AARS1: variants seen among roughly 807,000 people sequenced by gnomAD.
AARS1 encodes alanine--tRNA ligase, cytoplasmic.
AARS1 carries 72 observed loss-of-function variants against 108.9 expected under a neutral mutation model. The observed-to-expected ratio is 0.66, with a 90% CI of 0.55 to 0.80. AARS1 has a LOEUF of 0.80. AARS1 is among the 30% of genes least tolerant of loss of function. The pLI, the probability that AARS1 is intolerant of heterozygous loss-of-function variation, is 0.00. For synonymous variants in AARS1, 489 were observed against 465.7 expected (o/e 1.05, Z -0.64); for missense variants, 1,193 against 1,233.2 (o/e 0.97, Z 0.49).
chr16:70,261,073 C>A lies in AARS1; in HGVS notation c.1756G>T (p.Gly586Trp). 2 of 1,613,730 alleles carry A rather than the reference C, an allele frequency of 1.2e-6. No individual in the cohort carries two copies. Among genetic ancestry groups the A allele is most frequent in the South Asian group, 2.2e-5 (2 of 91,072 alleles). Reference protein sequence around the residue: ...IGTIYGDLKVGDQVWLFIDEP... With the variant: ...IGTIYGDLKVWDQVWLFIDEP... ...TCAATAAACAGCCAGACCTGATCCC[C>A]CACTTTCAGGTCACCGTAGATGGTT... Residue 586 changes from glycine (G) to tryptophan (W), a missense_variant, in exon 13 of 21, where the codon GGG (glycine) becomes TGG (tryptophan). Gly to Trp is a radical substitution (Grantham distance 184). Coordinates refer to ENST00000261772, the MANE Select transcript of AARS1 (RefSeq NM_001605.3).
intron 12 of AARS1, 92 bp downstream of exon 12, chr16:70,262,254 G>A: frequency 5.4e-6 from 8 of 1,493,488 alleles, no homozygotes; most frequent in Non-Finnish European, 7.5e-6. Context: ...TGTCAGGTCT[G>A]CTCCCAAGGC....
At chr16:70,264,827 G>C in intron 11 of AARS1, 131 bp downstream of exon 11, 1 of 1,116,930 alleles carries the variant, frequency 9.0e-7, no homozygotes, top group Non-Finnish European at 1.3e-6. Context: ...AAAGTGCATA[G>C]CGTGACTGTA....
At position 70,259,002 on chromosome 16, in the gene AARS1, T is replaced by C. The variant is rs1194030736; in HGVS notation, c.1970A>G (p.Asn657Ser). The change falls in exon 14 of 21, where the codon AAT (asparagine) becomes AGT (serine). Residue 657 changes from asparagine (N) to serine (S), a missense_variant. By Grantham distance (46) the Asn-to-Ser change is conservative (BLOSUM62 1). Transcript: ENST00000261772. Reference sequence around the variant, plus strand: ...TACCTTGGCTGCCTCAATCATCTCATTAGCAATCTCTTCAGCCTTCTTGAT... The same window carrying C: ...TACCTTGGCTGCCTCAATCATCTCACTAGCAATCTCTTCAGCCTTCTTGAT... ...QQIKKAEEIA[N>S]EMIEAAKAVY... 3 of 1,614,192 alleles carry C rather than the reference T, an allele frequency of 1.9e-6. No homozygotes were observed. Among genetic ancestry groups the C allele is most frequent in the South Asian group, 2.2e-5 (2 of 91,084 alleles).
At chr16:70,265,914 C>T (rs921616935) in intron 9 of AARS1, among the ~76,000 whole-genome samples, 5 of 152,188 alleles carry the variant, frequency 3.3e-5, no homozygotes, top group African/African-American at 1.2e-4. Flanking sequence ...CACCGTGGCT[C>T]GCGCCTGTAA....
intron 12 of AARS1, chr16:70,261,394 G>C (rs774466742): frequency 1.1e-3 from 423 of 372,568 alleles, no homozygotes; most frequent in Non-Finnish European, 1.8e-3. Context: ...CCAGGAGTTC[G>C]AGACCAGCTT....
chr16:70,255,766 G>A lies in AARS1; in HGVS notation c.2248C>T (p.Arg750Trp), dbSNP rs751300562. The change falls in exon 16 of 21, where the codon CGG (arginine) becomes TGG (tryptophan). Residue 750 changes from arginine to tryptophan, a missense_variant. Transcript: ENST00000261772. ...VTEEAIAKGI[R>W]RIVAVTGAEA... Reference sequence around the variant, plus strand: ...GCACCTGTGACAGCCACAATCCTCCGGATACCCTTGGCAATGGCTTCTTCC... The same window carrying A: ...GCACCTGTGACAGCCACAATCCTCCAGATACCCTTGGCAATGGCTTCTTCC... The A allele has an allele frequency of 3.7e-5, 60 of 1,614,024 alleles. No individual in the cohort carries two copies. The highest frequency in any genetic ancestry group is 1.3e-4 in the Admixed American group (8 of 59,984).
chr16:70,282,110 C>G (rs1358593214), intron 2 of AARS1, among the ~76,000 whole-genome samples: 1 of 151,866 alleles, frequency 6.6e-6, no homozygotes, highest in Non-Finnish European at 1.5e-5. Flanking sequence ...ACAGATCACG[C>G]CACTGCACTC....
chr16:70,270,221 A>G lies in AARS1; in HGVS notation c.791T>C (p.Val264Ala). ...KMSNYDTDLF[V>A]PYFEAIQKGT... ...CTTCTGAATGGCTTCAAAGTAAGGG[A>G]CAAAAAGGTCAGTGTCATAGTTGGA... is the stretch of plus-strand genomic sequence containing the variant. Residue 264 changes from valine to alanine, a missense_variant, in exon 6 of 21, where the codon GTC becomes GCC. Val to Ala is a moderately conservative substitution (Grantham distance 64). Coordinates refer to ENST00000261772, the MANE Select transcript of AARS1 (RefSeq NM_001605.3). 1 of 1,614,042 alleles carries G rather than the reference A, an allele frequency of 6.2e-7. No homozygotes were observed. The highest frequency in any genetic ancestry group is 2.2e-5 in the East Asian group (1 of 44,886).
chr16:70,260,936 A>C (rs1261781335), intron 13 of AARS1, 108 bp downstream of exon 13: 1 of 820,966 alleles, frequency 1.2e-6, no homozygotes, highest in East Asian at 2.9e-5. Flanking sequence ...TGCTGGGATT[A>C]CAAGTGTGAG....
intron 7 of AARS1, among the ~76,000 whole-genome samples, chr16:70,268,854 G>C (rs1160136058): frequency 6.6e-6 from 1 of 152,208 alleles, no homozygotes; most frequent in Non-Finnish European, 1.5e-5. Context: ...CTTAAAAAAG[G>C]GGTGGGGGAT....
chr16:70,261,515 T>C, intron 12 of AARS1: 1 of 271,236 alleles, frequency 3.7e-6, no homozygotes, highest in South Asian at 3.8e-5. Context: ...GGAGAATCGC[T>C]TGAACCCGGA....
At chr16:70,265,907 C>T (rs1038736232) in intron 9 of AARS1, among the ~76,000 whole-genome samples, 3 of 152,084 alleles carry the variant, frequency 2.0e-5, no homozygotes, top group Non-Finnish European at 4.4e-5. Flanking sequence ...GGCTGGGCAC[C>T]GTGGCTCGCG....
intron 9 of AARS1, among the ~76,000 whole-genome samples, chr16:70,267,199 T>G (rs1192834165): frequency 6.6e-6 from 1 of 152,214 alleles, no homozygotes; most frequent in Non-Finnish European, 1.5e-5. Flanking sequence ...GCTTTTCCCT[T>G]GTTCATTATA....
chr16:70,261,075 A>G lies in AARS1; in HGVS notation c.1754T>C (p.Val585Ala). 1 of 1,613,550 alleles carries G rather than the reference A, an allele frequency of 6.2e-7. No individual in the cohort carries two copies. Among genetic ancestry groups the G allele is most frequent in the Non-Finnish European group, 8.5e-7 (1 of 1,179,728 alleles). The part of the protein sequence containing the change: ...HIGTIYGDLK[V>A]GDQVWLFIDE... ...AATAAACAGCCAGACCTGATCCCCC[A>G]CTTTCAGGTCACCGTAGATGGTTCC... Residue 585 changes from valine to alanine, a missense_variant, in exon 13 of 21, where the codon GTG becomes GCG. Val to Ala is a moderately conservative substitution (Grantham distance 64, BLOSUM62 0). Coordinates refer to ENST00000261772, the MANE Select transcript of AARS1 (RefSeq NM_001605.3).
intron 1 of AARS1, among the ~76,000 whole-genome samples, chr16:70,286,604 G>A (rs1404836572): frequency 2.6e-5 from 4 of 152,052 alleles, no homozygotes; most frequent in East Asian, 1.9e-4. Flanking sequence ...TTGGGAGGTC[G>A]AGGCGGGTGG....
At chr16:70,263,108 G>A (rs1374166830) in intron 11 of AARS1, among the ~76,000 whole-genome samples, 2 of 151,868 alleles carry the variant, frequency 1.3e-5, no homozygotes, top group East Asian at 3.9e-4. Context: ...TGGGATGCAG[G>A]CTTCAGTGTT....
At chr16:70,288,927 G>A (rs991450235) in intron 1 of AARS1, among the ~76,000 whole-genome samples, 1 of 152,026 alleles carries the variant, frequency 6.6e-6, no homozygotes, top group African/African-American at 2.4e-5. Context: ...CGTATTTCGT[G>A]ATCAGGTATA....
chr16:70,270,362 G>A (rs1960370015), intron 5 of AARS1, 22 bp from the exon 6 acceptor site: 1 of 1,614,166 alleles, frequency 6.2e-7, no homozygotes, highest in South Asian at 1.1e-5. Flanking sequence ...AGAAGAAGAG[G>A]AGGTTGAAGC....
In AARS1 at chr16:70,252,890, C is replaced by T. The variant is rs369774476; in HGVS notation, c.2738G>A (p.Gly913Asp). The change falls in exon 21 of 21, where the codon GGC becomes GAC. Residue 913 changes from glycine to aspartate, a missense_variant. Coordinates refer to ENST00000261772, the MANE Select transcript of AARS1 (RefSeq NM_001605.3). ...CQVPQNAANR[G>D]LKASEWVQQV... ...CTGCACCCACTCGCTGGCTTTTAAG[C>T]CCCGATTGGCTGCATTCTAGAAGAC... The T allele has an allele frequency of 1.7e-5, 28 of 1,614,066 alleles. No individual in the cohort carries two copies. Among genetic ancestry groups the T allele is most frequent in the Non-Finnish European group, 2.4e-5 (28 of 1,180,042 alleles).
Sources: allele counts gnomAD v4.1 joint callset (sites outside exome capture counted in the v4.1 genomes callset), GRCh38; gene constraint gnomAD v4.1.1; transcripts MANE v1.5; gene names NCBI Gene and HGNC (gene_info 2026-07-23, HGNC 2026-07-21).